COL13A1: variants seen among roughly 807,000 people sequenced by gnomAD.
COL13A1 encodes the protein collagen type XIII alpha 1 chain.
A neutral mutation model predicts 130.9 loss-of-function variants in COL13A1; 89 were observed. That is an observed-to-expected ratio of 0.68 (90% CI 0.57 to 0.81). The LOEUF (loss-of-function observed/expected upper bound fraction) is 0.81. Ranked by LOEUF, COL13A1 falls within the 30% of genes least tolerant of loss-of-function variation. The pLI is 0.00. For synonymous variants in COL13A1, 402 were observed against 341.6 expected (o/e 1.18, Z -1.95); for missense variants, 879 against 934.6 (o/e 0.94, Z 0.78).
intron 19 of COL13A1, 114 bp downstream of exon 19, chr10:69,918,431 C>A: frequency 9.9e-7 from 1 of 1,014,848 alleles, no homozygotes; most frequent in East Asian, 2.6e-5. Context: ...AGGGGGCATA[C>A]AGGATTTGGA....
chr10:69,806,701 G>A (rs58051624), intron 1 of COL13A1, among the ~76,000 whole-genome samples: 2,062 of 152,254 alleles, frequency 0.014, 42 homozygotes, highest in African/African-American at 0.047. Context: ...AGAAGGGAGT[G>A]GAATTTAAAA....
In COL13A1 at chr10:69,946,669, G is replaced by A. The variant is rs371378468; in HGVS notation, c.2023-638G>A. On this transcript the variant is annotated intron_variant, in intron 37 of 40. Coordinates refer to ENST00000645393, the MANE Select transcript of COL13A1 (RefSeq NM_001368882.1). ...ACTCCCCTCTGCCTAGAGCATTCCT[G>A]GCCCCCACAAGCGCATCCTCAGAAC... Among the ~76,000 whole-genome samples, 14 of 152,336 alleles carry A rather than the reference G, an allele frequency of 9.2e-5. No homozygotes were observed. In the South Asian group the frequency reaches 2.9e-3, roughly 32 times the overall value.
intron 2 of COL13A1, among the ~76,000 whole-genome samples, chr10:69,851,820 A>G (rs932524889): frequency 2.0e-5 from 3 of 151,932 alleles, no homozygotes; most frequent in Non-Finnish European, 4.4e-5. Flanking sequence ...ATCCCCAGCT[A>G]GTTTTTGTAT....
At chr10:69,815,491 G>A (rs1844239418) in intron 1 of COL13A1, among the ~76,000 whole-genome samples, 1 of 152,184 alleles carries the variant, frequency 6.6e-6, no homozygotes, top group African/African-American at 2.4e-5. Context: ...GGTAGCTGAG[G>A]GTCCACCCTA....
At chr10:69,832,768 G>A (rs1234832548) in intron 2 of COL13A1, among the ~76,000 whole-genome samples, 9 of 152,128 alleles carry the variant, frequency 5.9e-5, no homozygotes, top group Admixed American at 1.3e-4. Context: ...GCCCTCCTTC[G>A]CCCCACTCCA....
chr10:69,932,053 A>T (rs1161549843), intron 30 of COL13A1, among the ~76,000 whole-genome samples: 1 of 139,492 alleles, frequency 7.2e-6, no homozygotes, highest in South Asian at 2.4e-4. Flanking sequence ...TGCCCTCCCC[A>T]CCTCCCGCAG....
intron 40 of COL13A1, among the ~76,000 whole-genome samples, chr10:69,958,171 C>T (rs1010801611): frequency 6.6e-6 from 1 of 152,320 alleles, no homozygotes; most frequent in Admixed American, 6.5e-5. Context: ...CTGGCCTCGT[C>T]CTCCTGCCAA....
At chr10:69,859,525 G>A (rs61562497) in intron 2 of COL13A1, among the ~76,000 whole-genome samples, 30,927 of 152,288 alleles carry the variant, frequency 0.2, 3,904 homozygotes, top group East Asian at 0.35. Context: ...AGCTTCCCCA[G>A]GCAGGGCCTT....
At chr10:69,817,448 A>AGAG (rs1351806305) in intron 1 of COL13A1, among the ~76,000 whole-genome samples, 3 of 151,660 alleles carry the variant, frequency 2.0e-5, no homozygotes, top group Non-Finnish European at 4.4e-5. Context: ...TGGTTTGGGG[A>AGAG]GAGGAAGTGT....
In COL13A1 at chr10:69,893,492, G is replaced by A. The variant is rs74513271; in HGVS notation, c.604-1060G>A. ...TTTGGAGGTGGCCCTGTTGGCAAGC[G>A]GGGAGCAGGAACAAGGCTCTGGCAC... On this transcript the variant is annotated intron_variant, in intron 10 of 40. Coordinates refer to ENST00000645393, the MANE Select transcript of COL13A1 (RefSeq NM_001368882.1). Among the ~76,000 whole-genome samples the A allele has an allele frequency of 4.0e-3, 611 of 152,346 alleles. 6 individuals are homozygous for A. The highest frequency in any genetic ancestry group is 0.032 in the East Asian group (168 of 5,186).
At chr10:69,881,437 G>C (rs1242375481) in intron 7 of COL13A1, among the ~76,000 whole-genome samples, 1 of 152,216 alleles carries the variant, frequency 6.6e-6, no homozygotes, top group Non-Finnish European at 1.5e-5. Context: ...CAGAGGGCTA[G>C]CCTCTGGGAG....
intron 2 of COL13A1, among the ~76,000 whole-genome samples, chr10:69,830,659 A>C (rs1848609256): frequency 6.6e-6 from 1 of 152,176 alleles, no homozygotes; most frequent in East Asian, 1.9e-4. Flanking sequence ...GTGCTTAGGG[A>C]GGTTCAGCTA....
At chr10:69,844,996 G>A (rs1852616114) in intron 2 of COL13A1, among the ~76,000 whole-genome samples, 5 of 152,052 alleles carry the variant, frequency 3.3e-5, no homozygotes, top group Admixed American at 3.3e-4. Flanking sequence ...TGCTGGAAAG[G>A]CCAGCAAGAG....
At chr10:69,905,763 A>G in intron 16 of COL13A1, 24 bp from the exon 17 acceptor site, 1 of 1,612,638 alleles carries the variant, frequency 6.2e-7, no homozygotes, top group South Asian at 1.1e-5. Context: ...AACCTCTTTA[A>G]TGGCCTTCTC....
At chr10:69,824,201 T>C (rs1248222935) in intron 2 of COL13A1, 1 of 469,568 alleles carries the variant, frequency 2.1e-6, no homozygotes, top group Non-Finnish European at 4.4e-6. Flanking sequence ...GAGATAATCC[T>C]GGGAACTGCT....
rs34323794 is a variant in COL13A1 at position 69,933,135 on chromosome 10, C to CA, written c.1728+563dup. Among the ~76,000 whole-genome samples, 42 of 44,432 alleles carry CA rather than the reference C, an allele frequency of 9.5e-4. 2 individuals carry two copies. Among genetic ancestry groups the CA allele is most frequent in the African/African-American group, 2.4e-3 (31 of 12,912 alleles). The allele number at this position is 44,432 out of a possible 152,430, so 29.1% of individuals were successfully genotyped here. Reference sequence around the variant, plus strand: ...TGGGCAACAGAGTGAGACTCTGCCTCAAAAAAAAAAAAAAAAAAAAAAAAA... The same window carrying CA: ...TGGGCAACAGAGTGAGACTCTGCCTCAAAAAAAAAAAAAAAAAAAAAAAAAA... On this transcript the variant is annotated intron_variant, in intron 31 of 40. Coordinates refer to ENST00000645393, the MANE Select transcript of COL13A1 (RefSeq NM_001368882.1).
At position 69,930,480 on chromosome 10, in the gene COL13A1, G is replaced by A. The variant is rs763054067; in HGVS notation, c.1611G>A (p.Lys537=). 6.2e-7 allele frequency: 1 copy of A among 1,613,910 alleles called. No homozygotes were observed. Among genetic ancestry groups the A allele is most frequent in the Admixed American group, 1.7e-5 (1 of 60,014 alleles). The change falls in exon 30 of 41, where the codon AAG becomes AAA. Residue 537 remains lysine, a synonymous_variant. Coordinates refer to ENST00000645393, the MANE Select transcript of COL13A1 (RefSeq NM_001368882.1). ...PPGKDGPPGV[K]GENGHPGSPG... ...GAAAGGATGGACCTCCAGGAGTGAA[G>A]GGAGAAAACGGGCACCCAGGGAGCC...
At chr10:69,841,210 T>G (rs943275888) in intron 2 of COL13A1, among the ~76,000 whole-genome samples, 1 of 151,958 alleles carries the variant, frequency 6.6e-6, no homozygotes, top group African/African-American at 2.4e-5. Context: ...AACTCTCCCT[T>G]ACCCTTCCGA....
intron 23 of COL13A1, 65 bp from the exon 24 acceptor site, chr10:69,923,737 T>G (rs919413820): frequency 2.6e-6 from 4 of 1,561,790 alleles, no homozygotes; most frequent in Non-Finnish European, 2.6e-6. Context: ...AGACCATCTT[T>G]TCCCTCATAA....
Sources: gnomAD v4.1 joint callset for allele counts (sites outside exome capture counted in the v4.1 genomes callset) on GRCh38, gnomAD v4.1.1 for gene constraint, MANE v1.5 for transcripts, NCBI Gene and HGNC (gene_info 2026-07-23, HGNC 2026-07-21) for gene names.